Variants in LMO2 observed in about 807,000 individuals in gnomAD.
LMO2 encodes rhombotin-2.
Under a neutral mutation model 23.2 loss-of-function variants are expected in LMO2, and 20 were observed. The ratio of observed to expected loss-of-function variants is 0.86; its 90% CI spans 0.61 to 1.25. LMO2 has a LOEUF of 1.25. Among genes scored for constraint, LMO2 ranks in the 50% most tolerant of loss-of-function variants. LMO2 has a pLI of 0.00. For missense variants in LMO2, 270 were observed against 315.3 expected, an observed-to-expected ratio of 0.86 and a Z score of 1.09; for synonymous variants, 123 against 130.2, an observed-to-expected ratio of 0.94 and a Z score of 0.38.
At chr11:33,876,430 T>C (rs1302284015) in intron 2 of LMO2, among the ~76,000 whole-genome samples, 1 of 152,070 alleles carries the variant, frequency 6.6e-6, no homozygotes, top group Non-Finnish European at 1.5e-5. Flanking sequence ...AAAGAATGAC[T>C]GTACAAATGG....
In LMO2 at chr11:33,880,716, T is replaced by C; in HGVS notation, c.-272+1108A>G. On this transcript the variant is annotated intron_variant, in intron 2 of 5. Transcript: ENST00000257818. This position sits in a 1 kb window ranked among gnomAD's most constrained non-coding sequence, Gnocchi z 4.3. ...ACGCCCCAAACAAATCTGACAAAAG[T>C]TAAAGACCATTCCCTAGGTGTAGCT... 1 of 162,816 alleles carries C rather than the reference T, an allele frequency of 6.1e-6. No individual in the cohort carries two copies. Among genetic ancestry groups the C allele is most frequent in the Non-Finnish European group, 1.3e-5 (1 of 74,370 alleles). 10.1% of individuals were successfully genotyped at this position (162,816 alleles called of 1,614,324 possible).
chr11:33,891,346 AACACACACACAC>A (rs57617009), intron 1 of LMO2, among the ~76,000 whole-genome samples: 1,743 of 125,048 alleles, frequency 0.014, 17 homozygotes, highest in Non-Finnish European at 0.019. Flanking sequence ...TTGTTAGGCA[AACACACACACAC>A]ACACACACAC....
intron 2 of LMO2, chr11:33,881,278 G>C (rs184516873): frequency 8.8e-6 from 4 of 456,856 alleles, no homozygotes; most frequent in South Asian, 6.2e-5. Context: ...GTCATATCTC[G>C]CAAAGGAAGA....
At position 33,859,320 on chromosome 11, in the gene LMO2, G is replaced by T; in HGVS notation, c.*36C>A. ...AGATGCCATGGAGACGGCGTCTTCA[G>T]TGAACACCTCCCCAAAGATGCCCGG... On this transcript the variant is annotated 3_prime_UTR_variant, in exon 6 of 6. Coordinates refer to ENST00000257818, the MANE Select transcript of LMO2 (RefSeq NM_005574.4). The T allele has an allele frequency of 6.5e-7, 1 of 1,534,240 alleles. No individual in the cohort carries two copies. Among genetic ancestry groups the T allele is most frequent in the East Asian group, 2.3e-5 (1 of 44,366 alleles).
chr11:33,880,563 ATT>A lies in LMO2; in HGVS notation c.-272+1259_-272+1260del, dbSNP rs1393000259. 1 of 152,260 alleles carries A rather than the reference ATT, an allele frequency of 6.6e-6. No individual in the cohort carries two copies. Among genetic ancestry groups the A allele is most frequent in the African/African-American group, 2.4e-5 (1 of 41,446 alleles). The allele number at this position is 152,260 out of a possible 1,614,324, so 9.4% of individuals were successfully genotyped here. A position where few individuals can be genotyped will look rare whatever the true frequency, so the allele number is the denominator to read the frequency against. ...GGACAAAACATTTCAGTTGGAAAAC[ATT>A]AAAAAGTTCTAGAGCTATATAGTGG... On this transcript the variant is annotated intron_variant, in intron 2 of 5. Coordinates refer to ENST00000257818, the MANE Select transcript of LMO2 (RefSeq NM_005574.4). The surrounding 1 kb of genome is among the most constrained non-coding windows in gnomAD (Gnocchi z 4.3).
At position 33,869,994 on chromosome 11, in the gene LMO2, A is replaced by C. The variant is rs1448385021; in HGVS notation, c.-271-7T>G. On this transcript the variant is annotated splice_region_variant and splice_polypyrimidine_tract_variant and intron_variant, in intron 2 of 5. Transcript: ENST00000257818. ...TGGTTTCATTTCCTTTTTCCTGATC[A>C]CGATTCAAATACAATAGAAGGAAAT... 4 of 1,003,806 alleles carry C rather than the reference A, an allele frequency of 4.0e-6. No homozygotes were observed. Among genetic ancestry groups the C allele is most frequent in the Non-Finnish European group, 4.8e-6 (4 of 837,988 alleles). 62.2% of individuals were successfully genotyped at this position (1,003,806 alleles called of 1,614,324 possible). A position where few individuals can be genotyped will look rare whatever the true frequency, so the allele number is the denominator to read the frequency against.
In LMO2 at chr11:33,869,919, C is replaced by G. The variant is rs1205928850; in HGVS notation, c.-203G>C. ...AGGGGACCGTGCGTCTCTCTCCGGG[C>G]TTCCTCCTCTCTCGGGAAGGTCTAT... On this transcript the variant is annotated 5_prime_UTR_variant, in exon 3 of 6. Coordinates refer to ENST00000257818, the MANE Select transcript of LMO2 (RefSeq NM_005574.4). The G allele has an allele frequency of 2.9e-6, 3 of 1,050,904 alleles. No individual in the cohort carries two copies. Among genetic ancestry groups the G allele is most frequent in the East Asian group, 6.1e-5 (1 of 16,336 alleles). The allele number at this position is 1,050,904 out of a possible 1,614,324, so 65.1% of individuals were successfully genotyped here. A position where few individuals can be genotyped will look rare whatever the true frequency, so the allele number is the denominator to read the frequency against.
At chr11:33,882,281 G>A (rs1242330712) in intron 1 of LMO2, among the ~76,000 whole-genome samples, 1 of 152,214 alleles carries the variant, frequency 6.6e-6, no homozygotes, top group African/African-American at 2.4e-5. Flanking sequence ...GCCGGTCTGA[G>A]AAAGCAAGTG....
chr11:33,887,353 A>C (rs183204717), intron 1 of LMO2, among the ~76,000 whole-genome samples: 362 of 152,316 alleles, frequency 2.4e-3, no homozygotes, highest in Non-Finnish European at 4.2e-3. Context: ...AGGACTCATT[A>C]CCGTCAATTT....
intron 1 of LMO2, among the ~76,000 whole-genome samples, chr11:33,884,001 C>T (rs1303833159): frequency 3.3e-5 from 5 of 152,210 alleles, no homozygotes. Flanking sequence ...CAGAATTGGA[C>T]CATAACAATA....
chr11:33,869,610 C>A (rs1590639852), intron 3 of LMO2, 24 bp from the exon 4 acceptor site: 1 of 1,272,654 alleles, frequency 7.9e-7, no homozygotes. Flanking sequence ...AGAGAGAGAG[C>A]GAATCACCGG....
At position 33,864,630 on chromosome 11, in the gene LMO2, G is replaced by A. The variant is rs1351789049; in HGVS notation, c.436C>T (p.Arg146Trp). The A allele has an allele frequency of 5.0e-6, 8 of 1,613,720 alleles. No individual in the cohort carries two copies. The highest frequency in any genetic ancestry group is 2.2e-5 in the South Asian group (2 of 91,070). The part of the protein sequence containing the change: ...VGRRLYYKLG[R>W]KLCRRDYLRL... ...AGATAGTCTCTCCGGCAGAGCTTCC[G>A]GCCCAGTTTGTAGTAGAGGCGCCGC... Residue 146 changes from arginine (R) to tryptophan (W), a missense_variant, in exon 5 of 6, where the codon CGG becomes TGG. Transcript: ENST00000257818. The surrounding 1 kb of genome is among the most constrained non-coding windows in gnomAD (Gnocchi z 4.8).
chr11:33,868,610 T>C (rs544984391), intron 4 of LMO2, among the ~76,000 whole-genome samples: 178 of 152,264 alleles, frequency 1.2e-3, no homozygotes, highest in African/African-American at 4.2e-3. Context: ...AGAGCTCTGG[T>C]TCCCTGACCC....
chr11:33,874,820 C>T (rs1857098194), intron 2 of LMO2, among the ~76,000 whole-genome samples: 1 of 152,244 alleles, frequency 6.6e-6, no homozygotes, highest in African/African-American at 2.4e-5. Context: ...CAGCCACATC[C>T]CTGATTTCAT....
chr11:33,864,910 CCTGA>C lies in LMO2; in HGVS notation c.249-97_249-94del. ...GTTTTGGGCCAGACAGGGCATCTCA[CCTGA>C]CTGCCTTTCAGTGACCTAAGGGAGA... On this transcript the variant is annotated intron_variant, in intron 4 of 5. Coordinates refer to ENST00000257818, the MANE Select transcript of LMO2 (RefSeq NM_005574.4). This position sits in a 1 kb window ranked among gnomAD's most constrained non-coding sequence, Gnocchi z 4.8. The C allele has an allele frequency of 2.7e-6, 3 of 1,122,120 alleles. No homozygotes were observed. Among genetic ancestry groups the C allele is most frequent in the Non-Finnish European group, 4.0e-6 (3 of 749,634 alleles). 69.5% of individuals were successfully genotyped at this position (1,122,120 alleles called of 1,614,324 possible). A position where few individuals can be genotyped will look rare whatever the true frequency, so the allele number is the denominator to read the frequency against.
chr11:33,861,437 G>A (rs186582512), intron 5 of LMO2, among the ~76,000 whole-genome samples: 20 of 152,324 alleles, frequency 1.3e-4, no homozygotes, highest in African/African-American at 4.3e-4. Flanking sequence ...CTCATTGTTC[G>A]GGCCAGGGCC....
At chr11:33,870,633 G>A (rs1856993282) in intron 2 of LMO2, 1 of 942,216 alleles carries the variant, frequency 1.1e-6, no homozygotes, top group Non-Finnish European at 1.3e-6. Flanking sequence ...ACGCGGGGCC[G>A]GGGCTCCTCT....
At chr11:33,863,599 T>A (rs776464183) in intron 5 of LMO2, among the ~76,000 whole-genome samples, 17 of 152,162 alleles carry the variant, frequency 1.1e-4, no homozygotes, top group Non-Finnish European at 2.2e-4. Flanking sequence ...AGCTACACAG[T>A]TGAGCAGATC....
At position 33,880,294 on chromosome 11, in the gene LMO2, C is replaced by CAT. The variant is rs1205130989; in HGVS notation, c.-272+1528_-272+1529dup. 3.7e-5 allele frequency among the ~76,000 whole-genome samples: 2 copies of CAT among 53,844 alleles called. No homozygotes were observed. Among genetic ancestry groups the CAT allele is most frequent in the Non-Finnish European group, 7.0e-5 (2 of 28,488 alleles). 35.3% of individuals were successfully genotyped at this position (53,844 alleles called of 152,430 possible). On this transcript the variant is annotated intron_variant, in intron 2 of 5. Coordinates refer to ENST00000257818, the MANE Select transcript of LMO2 (RefSeq NM_005574.4). The surrounding 1 kb of genome is among the most constrained non-coding windows in gnomAD (Gnocchi z 4.3). ...TACACATGATATATATCATATATAT[C>CAT]ATATATATACATATCATATATATAC...
Sources: gnomAD v4.1 joint callset for allele counts (sites outside exome capture counted in the v4.1 genomes callset) on GRCh38, gnomAD v4.1.1 for gene constraint, Gnocchi (gnomAD v3.1) non-coding constraint, MANE v1.5 for transcripts, NCBI Gene and HGNC (gene_info 2026-07-23, HGNC 2026-07-21) for gene names.